The following MYLK3 variants were observed in gnomAD, a reference collection of about 807,000 sequenced individuals.
MYLK3 encodes MLC kinase.
Under a neutral mutation model 76.3 loss-of-function variants are expected in MYLK3, and 55 were observed. That is an observed-to-expected ratio of 0.72 (90% confidence interval 0.58 to 0.90). The LOEUF is 0.90. MYLK3 is among the 40% of genes least tolerant of loss of function. The pLI is 0.00. For synonymous variants in MYLK3, 416 were observed against 425.4 expected (o/e 0.98, Z 0.27); for missense variants, 973 against 1,053.6 (o/e 0.92, Z 1.06).
chr16:46,747,583 C>G, intron 1 of MYLK3, 134 bp downstream of exon 1: 1 of 867,050 alleles, frequency 1.2e-6, no homozygotes, highest in Non-Finnish European at 1.8e-6. Flanking sequence ...GTTTCCAGCT[C>G]TCCTTTTCCC....
intron 1 of MYLK3, among the ~76,000 whole-genome samples, chr16:46,743,670 T>C (rs1966971306): frequency 6.6e-6 from 1 of 152,216 alleles, no homozygotes; most frequent in African/African-American, 2.4e-5. Context: ...GGAAGCTCTA[T>C]GACTTCCCTT....
chr16:46,755,073 G>GT (rs903033186), intron 1 of MYLK3, among the ~76,000 whole-genome samples: 3 of 151,436 alleles, frequency 2.0e-5, no homozygotes, highest in Non-Finnish European at 2.9e-5. Flanking sequence ...TTTTTGTGGG[G>GT]TTTTTTTTAG....
chr16:46,740,892 T>C (rs951814130), intron 1 of MYLK3, among the ~76,000 whole-genome samples: 1 of 152,174 alleles, frequency 6.6e-6, no homozygotes, highest in Admixed American at 6.6e-5. Context: ...CCAGATCAAC[T>C]GGTCATGGCT....
intron 9 of MYLK3, among the ~76,000 whole-genome samples, chr16:46,713,747 T>C (rs2143012853): frequency 6.6e-6 from 1 of 152,372 alleles, no homozygotes; most frequent in African/African-American, 2.4e-5. Context: ...CCACCTGCCC[T>C]GTCTTCGGTA....
chr16:46,709,493 G>A, intron 12 of MYLK3, 46 bp downstream of exon 12: 1 of 1,586,144 alleles, frequency 6.3e-7, no homozygotes. Flanking sequence ...TCCAAGGACA[G>A]ATTAGGATGA....
upstream of MYLK3, among the ~76,000 whole-genome samples, chr16:46,752,877 C>T (rs927762800): frequency 1.1e-4 from 17 of 152,032 alleles, no homozygotes; most frequent in Admixed American, 7.9e-4. Context: ...AAGACCCTGA[C>T]TCAAAAAATA....
At chr16:46,744,173 C>T (rs1309849462) in intron 1 of MYLK3, among the ~76,000 whole-genome samples, 1 of 151,748 alleles carries the variant, frequency 6.6e-6, no homozygotes, top group Admixed American at 6.6e-5. Flanking sequence ...GCTAGGACTA[C>T]AAGTGCACGC....
In MYLK3 at chr16:46,743,026, C is replaced by T. The variant is rs543174961; in HGVS notation, c.478-2879G>A. Reference sequence around the variant, plus strand: ...TATCTTTAGGGTAGGCAGGCGCATGCGTACGCACCCCCCACCCCCAGCTGG... The same window carrying T: ...TATCTTTAGGGTAGGCAGGCGCATGTGTACGCACCCCCCACCCCCAGCTGG... On this transcript the variant is annotated intron_variant, in intron 1 of 12. Coordinates refer to ENST00000394809, the MANE Select transcript of MYLK3 (RefSeq NM_182493.3). 2.6e-5 allele frequency among the ~76,000 whole-genome samples: 4 copies of T among 152,328 alleles called. No individual in the cohort carries two copies. In the South Asian group the frequency reaches 8.3e-4, roughly 32 times the overall value.
In MYLK3 at chr16:46,710,750, T is replaced by C; in HGVS notation, c.2154A>G (p.Ala718=). 6.2e-7 allele frequency: 1 copy of C among 1,614,142 alleles called. No individual in the cohort carries two copies. Among genetic ancestry groups the C allele is most frequent in the Non-Finnish European group, 8.5e-7 (1 of 1,180,032 alleles). ...AGTTTACAATGAAATTCATGGTCTC[T>C]GCATCTGTTTCCCCTAGAAATGGGG... ...GLSPFLGETD[A]ETMNFIVNCS... The change falls in exon 11 of 13, where the codon GCA becomes GCG. Residue 718 remains alanine (A), a synonymous_variant. Coordinates refer to ENST00000394809, the MANE Select transcript of MYLK3 (RefSeq NM_182493.3).
At chr16:46,722,834 C>T (rs1213628319) in intron 8 of MYLK3, among the ~76,000 whole-genome samples, 2 of 152,100 alleles carry the variant, frequency 1.3e-5, no homozygotes, top group African/African-American at 4.8e-5. Context: ...CTCAGCCTCC[C>T]GAGTAGCTGG....
intron 6 of MYLK3, among the ~76,000 whole-genome samples, 197 bp from the exon 7 acceptor site, chr16:46,729,330 G>A (rs1966848003): frequency 6.6e-6 from 1 of 152,122 alleles, no homozygotes; most frequent in Non-Finnish European, 1.5e-5. Context: ...CTCACAGACA[G>A]GAAACCTAAG....
At chr16:46,750,911 T>C (rs1967116108), upstream of MYLK3, among the ~76,000 whole-genome samples, 1 of 152,124 alleles carries the variant, frequency 6.6e-6, no homozygotes, top group Non-Finnish European at 1.5e-5. Flanking sequence ...GAGAATCTCT[T>C]GAACCCAGGA....
intron 1 of MYLK3, among the ~76,000 whole-genome samples, chr16:46,758,047 A>G (rs557385540): frequency 3.9e-5 from 6 of 151,974 alleles, no homozygotes; most frequent in Non-Finnish European, 7.4e-5. Flanking sequence ...GGGTCCTGCT[A>G]TTGGCCCTCC....
intron 8 of MYLK3, 45 bp downstream of exon 8, chr16:46,727,191 C>G: frequency 6.3e-7 from 1 of 1,597,768 alleles, no homozygotes; most frequent in Non-Finnish European, 8.6e-7. Context: ...ACGCCAGGAG[C>G]TAGGACACCA....
rs767337605 is a variant in MYLK3, at chr16:46,738,007, T to G, written c.705A>C (p.Ala235=). Residue 235 remains alanine (A), a synonymous_variant, in exon 3 of 13, where the codon GCA becomes GCC. Transcript: ENST00000394809. ...TGGGCAGGGGCAGGTGGCCAGGGAATGCCTGGGCTGGGCCAGGAACACCAT... is the reference window on the plus strand; with the variant it reads ...TGGGCAGGGGCAGGTGGCCAGGGAAGGCCTGGGCTGGGCCAGGAACACCAT... ...QGDGVPGPAQ[A]FPGHLPLPTK... 4 of 1,613,282 alleles carry G rather than the reference T, an allele frequency of 2.5e-6. No homozygotes were observed. In the African/African-American group the frequency reaches 5.3e-5, roughly 22 times the overall value.
At chr16:46,722,611 G>T (rs1966810437) in intron 8 of MYLK3, among the ~76,000 whole-genome samples, 1 of 150,148 alleles carries the variant, frequency 6.7e-6, no homozygotes, top group South Asian at 2.1e-4. Context: ...AAGTTTACTA[G>T]AATGTACATT....
intron 9 of MYLK3, among the ~76,000 whole-genome samples, chr16:46,714,105 G>A (rs1966712675): frequency 6.6e-6 from 1 of 152,102 alleles, no homozygotes; most frequent in South Asian, 2.1e-4. Context: ...GGAAAGGGGG[G>A]CAAACAGTGT....
chr16:46,738,287 G>A, intron 2 of MYLK3, 144 bp from the exon 3 acceptor site: 2 of 715,014 alleles, frequency 2.8e-6, no homozygotes, highest in Non-Finnish European at 4.4e-6. Context: ...AAAGGGGCTG[G>A]TTGACTAAAC....
chr16:46,732,262 C>A lies in MYLK3; in HGVS notation c.1408G>T (p.Ala470Ser). 1 of 1,604,586 alleles carries A rather than the reference C, an allele frequency of 6.2e-7. No homozygotes were observed. Among genetic ancestry groups the A allele is most frequent in the African/African-American group, 1.3e-5 (1 of 75,064 alleles). ...QDCAARAPVR[A>S]EAVRRMPPGA... is the part of the protein sequence containing the mutation. The stretch of plus-strand genomic sequence containing the variant: ...GGGGGCATCCTCCTTACTGCTTCAG[C>A]TCTCACCGGAGCCCTGGCTGCACAG... Residue 470 changes from alanine (A) to serine (S), a missense_variant, in exon 4 of 13, where the codon GCT (alanine) becomes TCT (serine). By Grantham distance (99) the Ala-to-Ser change is moderately conservative (BLOSUM62 1). Transcript: ENST00000394809.
Sources: gnomAD v4.1 joint callset for allele counts (sites outside exome capture counted in the v4.1 genomes callset) on GRCh38, gnomAD v4.1.1 for gene constraint, MANE v1.5 for transcripts, NCBI Gene and HGNC (gene_info 2026-07-23, HGNC 2026-07-21) for gene names.